Variants in GFRA2 observed in about 807,000 individuals in gnomAD.
GFRA2 encodes the protein GDNF family receptor alpha-2.
Under a neutral mutation model 48.3 loss-of-function variants are expected in GFRA2, and 17 were observed. The ratio of observed to expected loss-of-function variants is 0.35; its 90% CI spans 0.24 to 0.53. GFRA2 has a LOEUF of 0.53. Ranked by LOEUF, GFRA2 falls within the 20% of genes least tolerant of loss-of-function variation. The pLI, the probability that GFRA2 is intolerant of heterozygous loss-of-function variation, is 0.93. For synonymous variants in GFRA2, 305 were observed against 257.2 expected, an observed-to-expected ratio of 1.19 and a Z score of -1.78; for missense variants, 660 against 637.3, an observed-to-expected ratio of 1.04 and a Z score of -0.38.
chr8:21,743,248 C>G, intron 4 of GFRA2, among the ~76,000 whole-genome samples: 1 of 152,116 alleles, frequency 6.6e-6, no homozygotes, highest in Non-Finnish European at 1.5e-5. Context: ...GCCTTTTCCC[C>G]CCGACACTCC....
At chr8:21,778,237 C>T (rs1023883427) in intron 2 of GFRA2, among the ~76,000 whole-genome samples, 1 of 152,160 alleles carries the variant, frequency 6.6e-6, no homozygotes, top group East Asian at 1.9e-4. Flanking sequence ...CTCGCAGCCT[C>T]CCTCAGGGAG....
chr8:21,765,501 G>C (rs1229938779), intron 3 of GFRA2, among the ~76,000 whole-genome samples: 1 of 151,892 alleles, frequency 6.6e-6, no homozygotes, highest in Non-Finnish European at 1.5e-5. Flanking sequence ...AGTCTCAGCT[G>C]CCTTTGCTAG....
chr8:21,767,028 C>T, intron 3 of GFRA2, among the ~76,000 whole-genome samples: 1 of 135,706 alleles, frequency 7.4e-6, no homozygotes, highest in Non-Finnish European at 1.6e-5. Context: ...ATATTACACA[C>T]ACTGCCATGC....
At chr8:21,769,259 C>CCCCAGCACCG in intron 3 of GFRA2, 1 of 655,846 alleles carries the variant, frequency 1.5e-6, no homozygotes, top group Non-Finnish European at 1.9e-6. Flanking sequence ...CCCAGCCCCG[C>CCCCAGCACCG]CCCTGCCCTG....
At chr8:21,748,021 T>A (rs1054664066) in intron 4 of GFRA2, among the ~76,000 whole-genome samples, 5 of 152,064 alleles carry the variant, frequency 3.3e-5, no homozygotes, top group African/African-American at 1.2e-4. Flanking sequence ...CCAAGCCTTA[T>A]CACTTAAACA....
At chr8:21,727,498 G>T (rs1051108047) in intron 4 of GFRA2, among the ~76,000 whole-genome samples, 3 of 152,178 alleles carry the variant, frequency 2.0e-5, no homozygotes, top group Admixed American at 6.5e-5. Flanking sequence ...TGGGGCTTGA[G>T]CCTCAGCGCT....
intron 1 of GFRA2, among the ~76,000 whole-genome samples, chr8:21,786,146 T>G (rs989764095): frequency 1.3e-5 from 2 of 152,144 alleles, no homozygotes; most frequent in African/African-American, 4.8e-5. Context: ...CTCTCAACAC[T>G]CAGCCTCCAG....
chr8:21,788,054 TCCGCTC>T, intron 1 of GFRA2, 60 bp downstream of exon 1: 1 of 216,168 alleles, frequency 4.6e-6, no homozygotes, highest in Non-Finnish European at 8.5e-6. Context: ...CCACCGGCGC[TCCGCTC>T]GCCCCCCGCC....
intron 5 of GFRA2, 62 bp downstream of exon 5, chr8:21,705,870 C>T: frequency 8.6e-7 from 1 of 1,165,364 alleles, no homozygotes; most frequent in Non-Finnish European, 1.2e-6. Flanking sequence ...GCTGCGGCCC[C>T]TGCCCTGCTG....
At chr8:21,735,282 G>C (rs745473627) in intron 4 of GFRA2, among the ~76,000 whole-genome samples, 1 of 152,104 alleles carries the variant, frequency 6.6e-6, no homozygotes, top group Non-Finnish European at 1.5e-5. Flanking sequence ...CAGGCACAAC[G>C]ATGTCTTCCA....
intron 4 of GFRA2, among the ~76,000 whole-genome samples, chr8:21,709,341 T>C (rs770665522): frequency 2.0e-5 from 3 of 152,248 alleles, no homozygotes; most frequent in Non-Finnish European, 2.9e-5. Flanking sequence ...AAAGATTCAT[T>C]GCATGAGCAG....
At chr8:21,697,248 A>AGGGG in intron 7 of GFRA2, among the ~76,000 whole-genome samples, 1 of 114,010 alleles carries the variant, frequency 8.8e-6, no homozygotes, top group African/African-American at 3.4e-5. Flanking sequence ...GCTGAGGGAG[A>AGGGG]AAGATAGCAG....
At chr8:21,740,476 T>A (rs1013774343) in intron 4 of GFRA2, among the ~76,000 whole-genome samples, 2 of 152,098 alleles carry the variant, frequency 1.3e-5, no homozygotes, top group South Asian at 4.2e-4. Flanking sequence ...GACCCAGGTG[T>A]CCTCATCCTT....
intron 7 of GFRA2, among the ~76,000 whole-genome samples, chr8:21,695,587 C>T (rs1481982184): frequency 6.6e-6 from 1 of 152,068 alleles, no homozygotes; most frequent in Non-Finnish European, 1.5e-5. Flanking sequence ...AGAATGGAAC[C>T]AGGAGTGTCC....
intron 7 of GFRA2, among the ~76,000 whole-genome samples, chr8:21,700,526 G>A (rs1276322931): frequency 6.6e-6 from 1 of 152,182 alleles, no homozygotes; most frequent in Admixed American, 6.5e-5. Flanking sequence ...TGGAGGAGGA[G>A]GAACCAGAAG....
intron 4 of GFRA2, among the ~76,000 whole-genome samples, chr8:21,736,029 G>A (rs368299576): frequency 6.6e-6 from 1 of 152,192 alleles, no homozygotes; most frequent in African/African-American, 2.4e-5. Flanking sequence ...TGGTTCACTC[G>A]GGCTCCCTCT....
At chr8:21,734,324 A>C (rs1326185725) in intron 4 of GFRA2, among the ~76,000 whole-genome samples, 1 of 152,230 alleles carries the variant, frequency 6.6e-6, no homozygotes, top group East Asian at 1.9e-4. Flanking sequence ...CACGTATCCA[A>C]GCACCCAGCC....
chr8:21,753,538 G>C (rs953017017), intron 3 of GFRA2, among the ~76,000 whole-genome samples: 2 of 151,918 alleles, frequency 1.3e-5, no homozygotes, highest in Non-Finnish European at 2.9e-5. Context: ...TGAATCACTT[G>C]AACCCGGGAG....
intron 7 of GFRA2, among the ~76,000 whole-genome samples, chr8:21,695,418 G>A (rs763578429): frequency 2.4e-4 from 37 of 152,032 alleles, no homozygotes; most frequent in African/African-American, 7.7e-4. Flanking sequence ...CACTGCCCTC[G>A]GCCAGAAGTA....
Sources: gnomAD v4.1 joint callset for allele counts (sites outside exome capture counted in the v4.1 genomes callset) on GRCh38, gnomAD v4.1.1 for gene constraint, MANE v1.5 for transcripts, NCBI Gene and HGNC (gene_info 2026-07-23, HGNC 2026-07-21) for gene names.